The following GRK5 variants were observed in gnomAD, a reference collection of about 807,000 sequenced individuals.
GRK5 encodes the protein G protein-coupled receptor kinase 5.
GRK5 carries 40 observed loss-of-function variants against 78.4 expected under a neutral mutation model. That is an observed-to-expected ratio of 0.51 (90% confidence interval 0.40 to 0.66). The LOEUF (loss-of-function observed/expected upper bound fraction) is 0.66. Among genes scored for constraint, GRK5 ranks in the 30% least tolerant of loss-of-function variants. GRK5 has a pLI of 0.00. For missense variants in GRK5, 598 were observed against 759.9 expected (o/e 0.79, Z 2.50); for synonymous variants, 289 against 296.8 (o/e 0.97, Z 0.27).
intron 1 of GRK5, among the ~76,000 whole-genome samples, chr10:119,311,926 T>C (rs1850366460): frequency 1.3e-5 from 2 of 151,006 alleles, no homozygotes; most frequent in African/African-American, 4.9e-5. Flanking sequence ...TTTTTTTTTT[T>C]TTTTTTTGAG....
chr10:119,349,138 G>A (rs1296948325), intron 2 of GRK5, among the ~76,000 whole-genome samples: 3 of 152,190 alleles, frequency 2.0e-5, no homozygotes, highest in Non-Finnish European at 2.9e-5. Flanking sequence ...GGAAGAACTC[G>A]TGGCCAGTGA....
chr10:119,270,617 C>T (rs1849568951), intron 1 of GRK5, among the ~76,000 whole-genome samples: 1 of 152,238 alleles, frequency 6.6e-6, no homozygotes, highest in South Asian at 2.1e-4. Context: ...ATGACAGGCC[C>T]ATAAGCTGCT....
rs55905745 is a variant in GRK5 at position 119,240,189 on chromosome 10, C to CTTT, written c.52+32247_52+32249dup. Among the ~76,000 whole-genome samples the CTTT allele has an allele frequency of 6.3e-3, 441 of 70,104 alleles. 98 individuals carry two copies. Among genetic ancestry groups the CTTT allele is most frequent in the African/African-American group, 7.4e-3 (120 of 16,218 alleles). The allele number at this position is 70,104 out of a possible 152,430, so 46.0% of individuals were successfully genotyped here. On this transcript the variant is annotated intron_variant, in intron 1 of 15. Coordinates refer to ENST00000392870, the MANE Select transcript of GRK5 (RefSeq NM_005308.3). ...ATCCTCTCCAGCATCTGTTTCCCGA[C>CTTT]TTTTTTTTTTTTTTTTTTTTTTTTT...
intron 1 of GRK5, among the ~76,000 whole-genome samples, chr10:119,227,888 AT>A (rs933788218): frequency 2.0e-5 from 3 of 152,144 alleles, no homozygotes; most frequent in Admixed American, 6.6e-5. Context: ...TCTCAAGAAC[AT>A]TTTGGTAATA....
intron 2 of GRK5, among the ~76,000 whole-genome samples, chr10:119,349,049 C>T (rs999735380): frequency 6.6e-6 from 1 of 152,156 alleles, no homozygotes; most frequent in Non-Finnish European, 1.5e-5. Context: ...TCCCACCCAC[C>T]GTGGCCATCA....
intron 3 of GRK5, among the ~76,000 whole-genome samples, chr10:119,384,872 G>A (rs992448029): frequency 3.3e-5 from 5 of 152,202 alleles, no homozygotes; most frequent in African/African-American, 1.2e-4. Context: ...AATGTTCGAA[G>A]GTGAGAACTG....
chr10:119,368,384 C>T (rs534568020), intron 2 of GRK5, among the ~76,000 whole-genome samples: 16 of 151,954 alleles, frequency 1.1e-4, no homozygotes, highest in East Asian at 3.9e-4. Context: ...GTGCTGGGGG[C>T]GGGGGATGGC....
In GRK5 at chr10:119,448,252, G is replaced by A. The variant is rs751729008; in HGVS notation, c.1396G>A (p.Val466Ile). 6.0e-5 allele frequency: 96 copies of A among 1,592,516 alleles called. No individual in the cohort carries two copies. The highest frequency in any genetic ancestry group is 1.4e-4 in the Admixed American group (8 of 55,904). Residue 466 changes from valine (V) to isoleucine (I), a missense_variant, in exon 13 of 16, where the codon GTT becomes ATT. Coordinates refer to ENST00000392870, the MANE Select transcript of GRK5 (RefSeq NM_005308.3). ...AGCCGGGATGTTGGACCCTCCCTTC[G>A]TTCCAGACGTGAGTAGCCTCCCCCA... ...LEAGMLDPPF[V>I]PDPRAVYCKD...
At chr10:119,335,171 T>TCTCC (rs1850856784) in intron 2 of GRK5, among the ~76,000 whole-genome samples, 3 of 126,968 alleles carry the variant, frequency 2.4e-5, no homozygotes, top group Non-Finnish European at 4.9e-5. Context: ...TCTCTCTCTC[T>TCTCC]CTCTCCCCCT....
rs1428090925 is a variant in GRK5 at position 119,445,170 on chromosome 10, GA to G, written c.1266+1419del. Among the ~76,000 whole-genome samples the G allele has an allele frequency of 6.6e-6, 1 of 152,220 alleles. No individual in the cohort carries two copies. Among genetic ancestry groups the G allele is most frequent in the Non-Finnish European group, 1.5e-5 (1 of 68,036 alleles). On this transcript the variant is annotated intron_variant, in intron 12 of 15. Transcript: ENST00000392870. This position sits in a 1 kb window ranked among gnomAD's most constrained non-coding sequence, Gnocchi z 4.1. ...ATCGCAGCCAGGGCTAGGGTGGGGGGACCGGAGGAGCAGTGCAGCACTGGTC... is the reference window on the plus strand; with the variant it reads ...ATCGCAGCCAGGGCTAGGGTGGGGGGCCGGAGGAGCAGTGCAGCACTGGTC...
chr10:119,229,230 T>TA (rs1278782519), intron 1 of GRK5, among the ~76,000 whole-genome samples: 1 of 152,138 alleles, frequency 6.6e-6, no homozygotes, highest in Non-Finnish European at 1.5e-5. Flanking sequence ...TTGGGGTTTA[T>TA]AAAAAACCCT....
intron 6 of GRK5, among the ~76,000 whole-genome samples, chr10:119,426,554 G>T (rs1439970014): frequency 6.6e-6 from 1 of 152,154 alleles, no homozygotes; most frequent in African/African-American, 2.4e-5. Context: ...TGTGGGCTTG[G>T]GCTGAGGAGG....
chr10:119,251,147 G>A (rs561198348), intron 1 of GRK5, among the ~76,000 whole-genome samples: 1 of 151,490 alleles, frequency 6.6e-6, no homozygotes, highest in African/African-American at 2.4e-5. Flanking sequence ...ACAACAAAAC[G>A]CTGCTTGCTC....
chr10:119,367,521 T>C (rs1002334714), intron 2 of GRK5, among the ~76,000 whole-genome samples: 3 of 152,208 alleles, frequency 2.0e-5, no homozygotes, highest in African/African-American at 7.2e-5. Context: ...CAGACAGGGT[T>C]GGGGTGTGGT....
intron 1 of GRK5, among the ~76,000 whole-genome samples, chr10:119,308,750 G>T (rs1269630310): frequency 6.6e-6 from 1 of 152,222 alleles, no homozygotes; most frequent in Non-Finnish European, 1.5e-5. Flanking sequence ...GCCTGCCCTC[G>T]CTCCTGACCC....
intron 2 of GRK5, among the ~76,000 whole-genome samples, chr10:119,375,929 C>T (rs1851614218): frequency 6.6e-6 from 1 of 152,252 alleles, no homozygotes; most frequent in Non-Finnish European, 1.5e-5. Context: ...CCAATGACTT[C>T]CTCTGTAAAT....
intron 1 of GRK5, among the ~76,000 whole-genome samples, chr10:119,229,879 C>T (rs922533572): frequency 4.6e-5 from 7 of 152,148 alleles, no homozygotes; most frequent in African/African-American, 1.4e-4. Flanking sequence ...CATTAGGTTT[C>T]ATTGTCTTTT....
intron 1 of GRK5, among the ~76,000 whole-genome samples, chr10:119,252,673 G>C (rs76905156): frequency 6.3e-4 from 96 of 152,290 alleles, no homozygotes; most frequent in African/African-American, 2.2e-3. Flanking sequence ...TGTAGAAAAA[G>C]ATGGTGCTGT....
At chr10:119,229,286 G>A (rs566394370) in intron 1 of GRK5, among the ~76,000 whole-genome samples, 13 of 152,100 alleles carry the variant, frequency 8.5e-5, no homozygotes, top group East Asian at 7.7e-4. Flanking sequence ...GGTGTGCAGC[G>A]TTGTGTGTTT....
Sources: gnomAD v4.1 joint callset for allele counts (sites outside exome capture counted in the v4.1 genomes callset) on GRCh38, gnomAD v4.1.1 for gene constraint, Gnocchi (gnomAD v3.1) non-coding constraint, MANE v1.5 for transcripts, NCBI Gene and HGNC (gene_info 2026-07-23, HGNC 2026-07-21) for gene names.